Variants in ANKRD42 observed in about 807,000 individuals in gnomAD.
ANKRD42 encodes the protein ankyrin repeat domain-containing protein 42.
ANKRD42 carries 43 observed loss-of-function variants against 51.5 expected under a neutral mutation model. The ratio of observed to expected loss-of-function variants is 0.83; its 90% CI spans 0.65 to 1.08. The LOEUF is 1.08. Ranked by LOEUF, ANKRD42 falls within the 50% of genes least tolerant of loss-of-function variation. ANKRD42 has a pLI of 0.00. For synonymous variants in ANKRD42, 203 were observed against 213.0 expected, an observed-to-expected ratio of 0.95 and a Z score of 0.41; for missense variants, 608 against 629.3, an observed-to-expected ratio of 0.97 and a Z score of 0.36.
intron 7 of ANKRD42, among the ~76,000 whole-genome samples, chr11:83,229,446 G>A (rs140083094): frequency 2.4e-3 from 358 of 152,084 alleles, no homozygotes; most frequent in Non-Finnish European, 3.9e-3. Flanking sequence ...TTGCTAATGC[G>A]CGTGTGTGGG....
intron 3 of ANKRD42, chr11:83,209,738 T>C (rs1862231880): frequency 3.0e-6 from 2 of 668,118 alleles, no homozygotes; most frequent in Non-Finnish European, 5.5e-6. Flanking sequence ...TTTCTCACTT[T>C]CATATTTAGA....
chr11:83,216,039 C>T lies in ANKRD42; in HGVS notation c.586+4609C>T, dbSNP rs1194529635. Among the ~76,000 whole-genome samples the T allele has an allele frequency of 3.3e-5, 5 of 152,200 alleles. 1 individual carries two copies. The South Asian group carries it at 1.0e-3, about 31-fold the overall frequency. On this transcript the variant is annotated intron_variant, in intron 5 of 10. Transcript: ENST00000533342. Reference sequence around the variant, plus strand: ...CAAACTCCTGACCTCAAGTGATCCACCCACCTCGGCCACCCAAAGTGCTGG... The same window carrying T: ...CAAACTCCTGACCTCAAGTGATCCATCCACCTCGGCCACCCAAAGTGCTGG...
chr11:83,217,716 A>G (rs1045682290), intron 5 of ANKRD42, among the ~76,000 whole-genome samples: 4 of 152,182 alleles, frequency 2.6e-5, no homozygotes, highest in African/African-American at 9.7e-5. Context: ...TGCGCCTTCC[A>G]GTGATTGCCT....
chr11:83,225,058 A>T lies in ANKRD42; in HGVS notation c.787+3A>T. On this transcript the variant is annotated splice_donor_region_variant and intron_variant, in intron 6 of 10. Coordinates refer to ENST00000533342, the MANE Select transcript of ANKRD42 (RefSeq NM_001300975.2). Reference sequence around the variant, plus strand: ...AAAAGACCTAGAGGATCAGGAAAGTAAGTAATTAAGTTATATGTTCTAGCA... The same window carrying T: ...AAAAGACCTAGAGGATCAGGAAAGTTAGTAATTAAGTTATATGTTCTAGCA... 6.2e-7 allele frequency: 1 copy of T among 1,607,238 alleles called. No homozygotes were observed. The highest frequency in any genetic ancestry group is 8.5e-7 in the Non-Finnish European group (1 of 1,174,706).
rs368366292 is a variant in ANKRD42, at chr11:83,207,288, C to A, written c.330+1123C>A. Among the ~76,000 whole-genome samples, 7 of 152,286 alleles carry A rather than the reference C, an allele frequency of 4.6e-5. No individual in the cohort carries two copies. The East Asian group carries it at 1.2e-3, about 25-fold the overall frequency. ...CGTGGAGATTATGGGAACTACAATTCAAATGAGATTTGAGGGGGAACACAG... is the reference window on the plus strand; with the variant it reads ...CGTGGAGATTATGGGAACTACAATTAAAATGAGATTTGAGGGGGAACACAG... On this transcript the variant is annotated intron_variant, in intron 3 of 10. Transcript: ENST00000533342.
Position 83,224,796 on chromosome 11 carries a change from T to C in ANKRD42, c.587-59T>C, listed in dbSNP as rs1862822085. The C allele has an allele frequency of 1.3e-5, 17 of 1,334,662 alleles. No individual in the cohort carries two copies. The South Asian group carries it at 2.7e-4, about 21-fold the overall frequency. 82.7% of individuals were successfully genotyped at this position (1,334,662 alleles called of 1,614,324 possible). On this transcript the variant is annotated intron_variant, in intron 5 of 10. Transcript: ENST00000533342. ...AAGATCTTGTCTCTAAATACATACA[T>C]ACATACATAAAAATTTTAAAAAATA...
At chr11:83,251,991 C>T (rs986268099), downstream of ANKRD42, among the ~76,000 whole-genome samples, 1 of 152,162 alleles carries the variant, frequency 6.6e-6, no homozygotes, top group African/African-American at 2.4e-5. Flanking sequence ...AAACATATTT[C>T]CTTTCTTTCT....
At chr11:83,228,995 G>T (rs1862986096) in intron 7 of ANKRD42, among the ~76,000 whole-genome samples, 1 of 151,244 alleles carries the variant, frequency 6.6e-6, no homozygotes, top group African/African-American at 2.4e-5. Context: ...GCCACTGTAT[G>T]AGTTTACTAG....
At chr11:83,244,186 G>A (rs1323723692) in intron 9 of ANKRD42, among the ~76,000 whole-genome samples, 1 of 151,602 alleles carries the variant, frequency 6.6e-6, no homozygotes, top group East Asian at 1.9e-4. Flanking sequence ...TCACCATGTT[G>A]GCCATACTGG....
At chr11:83,252,816 T>G (rs1384942792), downstream of ANKRD42, among the ~76,000 whole-genome samples, 1 of 151,596 alleles carries the variant, frequency 6.6e-6, no homozygotes, top group Non-Finnish European at 1.5e-5. Flanking sequence ...ACTTAAAACA[T>G]TAAATTTAAA....
intron 3 of ANKRD42, among the ~76,000 whole-genome samples, chr11:83,208,218 G>C (rs1051054277): frequency 1.1e-4 from 17 of 148,940 alleles, no homozygotes; most frequent in East Asian, 7.7e-4. Context: ...TCTGTGGGAG[G>C]GGGGGGTCTC....
intron 8 of ANKRD42, among the ~76,000 whole-genome samples, chr11:83,237,457 A>G (rs1336797572): frequency 6.6e-6 from 1 of 152,220 alleles, no homozygotes; most frequent in Non-Finnish European, 1.5e-5. Context: ...GAGTTGTAAG[A>G]CAACACCTTA....
downstream of ANKRD42, chr11:83,249,008 C>T (rs1427086317): frequency 8.2e-6 from 8 of 980,506 alleles, no homozygotes; most frequent in African/African-American, 5.3e-5. Flanking sequence ...TCTTCTTGTA[C>T]GATCTTTAGC....
At chr11:83,241,355 G>C (rs955428851) in intron 9 of ANKRD42, among the ~76,000 whole-genome samples, 1 of 152,152 alleles carries the variant, frequency 6.6e-6, no homozygotes, top group Non-Finnish European at 1.5e-5. Context: ...TCATTCGAAT[G>C]GTGGTAGTCA....
chr11:83,250,217 T>C (rs1863650542), downstream of ANKRD42, among the ~76,000 whole-genome samples: 1 of 152,200 alleles, frequency 6.6e-6, no homozygotes, highest in African/African-American at 2.4e-5. Context: ...TGCATACTAC[T>C]GTACCTTAAG....
intron 4 of ANKRD42, among the ~76,000 whole-genome samples, chr11:83,210,832 A>G (rs17144849): frequency 0.022 from 3,295 of 152,320 alleles, 111 homozygotes; most frequent in African/African-American, 0.075. Flanking sequence ...GTTTATTGCA[A>G]TATTTAATTT....
intron 9 of ANKRD42, among the ~76,000 whole-genome samples, chr11:83,244,492 T>C (rs1223911094): frequency 6.6e-6 from 1 of 152,234 alleles, no homozygotes; most frequent in Non-Finnish European, 1.5e-5. Context: ...ACTTCTGTAC[T>C]CTTGACATTT....
intron 9 of ANKRD42, 122 bp from the exon 10 acceptor site, chr11:83,245,376 C>T (rs1447517771): frequency 3.7e-5 from 38 of 1,031,216 alleles, no homozygotes; most frequent in Non-Finnish European, 5.0e-5. Context: ...CTTCCTCCAC[C>T]CCCCTCTCCA....
intron 4 of ANKRD42, among the ~76,000 whole-genome samples, chr11:83,210,631 A>G (rs1414220619): frequency 3.9e-5 from 6 of 152,226 alleles, no homozygotes; most frequent in Non-Finnish European, 8.8e-5. Context: ...TCAGTATTAC[A>G]AAGTACTTGA....
Sources: allele counts gnomAD v4.1 joint callset (sites outside exome capture counted in the v4.1 genomes callset), GRCh38; gene constraint gnomAD v4.1.1; transcripts MANE v1.5; gene names NCBI Gene and HGNC (gene_info 2026-07-23, HGNC 2026-07-21).